PWWP3B: variants seen among roughly 807,000 people sequenced by gnomAD.
PWWP3B encodes PWWP domain-containing DNA repair factor 3B.
PWWP3B carries 5 observed loss-of-function variants against 15.7 expected under a neutral mutation model. The ratio of observed to expected loss-of-function variants is 0.32; its 90% CI spans 0.17 to 0.67. PWWP3B has a LOEUF of 0.67. PWWP3B is among the 30% of genes least tolerant of loss of function. The pLI is 0.74. For missense variants in PWWP3B, 519 were observed against 493.1 expected, an observed-to-expected ratio of 1.05 and a Z score of -0.50; for synonymous variants, 203 against 179.8, an observed-to-expected ratio of 1.13 and a Z score of -1.03.
chrX:106,185,231 G>T (rs1023732513), intron 2 of PWWP3B, among the ~76,000 whole-genome samples: 5 of 111,502 alleles, frequency 4.5e-5, no homozygotes, highest in Non-Finnish European at 9.4e-5. Context: ...CTTTGTCAGG[G>T]TTTGCAGGTC....
intron 2 of PWWP3B, among the ~76,000 whole-genome samples, chrX:106,197,261 C>T (rs1016128062): frequency 2.7e-5 from 3 of 111,821 alleles, no homozygotes; most frequent in Middle Eastern, 4.2e-3. Flanking sequence ...GGGTTCCCTC[C>T]AGGGCAGAGG....
chrX:106,175,603 T>C (rs1921864746), intron 2 of PWWP3B, among the ~76,000 whole-genome samples: 1 of 110,982 alleles, frequency 9.0e-6, no homozygotes, highest in African/African-American at 3.3e-5. Context: ...TCTTTGGTTC[T>C]ACCAAAGAAA....
At chrX:106,181,988 T>C (rs1298487471) in intron 2 of PWWP3B, among the ~76,000 whole-genome samples, 1 of 111,721 alleles carries the variant, frequency 9.0e-6, no homozygotes, top group Non-Finnish European at 1.9e-5. Flanking sequence ...AGTTTGAAAG[T>C]TGTTGTCTGA....
chrX:106,205,382 T>C lies in PWWP3B; in HGVS notation c.-51T>C, dbSNP rs1461325015. 4 of 1,056,409 alleles carry C rather than the reference T, an allele frequency of 3.8e-6. No homozygotes were observed. The highest frequency in any genetic ancestry group is 3.8e-5 in the African/African-American group (2 of 52,193). 87.1% of individuals were successfully genotyped at this position (1,056,409 alleles called of 1,213,427 possible). A position where few individuals can be genotyped will look rare whatever the true frequency, so the allele number is the denominator to read the frequency against. On this transcript the variant is annotated 5_prime_UTR_variant, in exon 4 of 4. Transcript: ENST00000357175. ...GAACTTGCATTAGCAGTGACAAAGATAGCCACCTCAACCTTTGGTAATAAC... is the reference window on the plus strand; with the variant it reads ...GAACTTGCATTAGCAGTGACAAAGACAGCCACCTCAACCTTTGGTAATAAC...
At chrX:106,200,897 A>C (rs1046715094) in intron 2 of PWWP3B, among the ~76,000 whole-genome samples, 2 of 109,244 alleles carry the variant, frequency 1.8e-5, no homozygotes, top group Non-Finnish European at 3.8e-5. Flanking sequence ...AAATGCAAAA[A>C]ATTAGCCAGG....
intron 2 of PWWP3B, among the ~76,000 whole-genome samples, chrX:106,192,508 A>AT (rs1416558618): frequency 9.0e-6 from 1 of 110,575 alleles, no homozygotes; most frequent in African/African-American, 3.3e-5. Flanking sequence ...GGATTCATTG[A>AT]TTTTTTGAAG....
Position 106,204,079 on chromosome X carries a change from C to T in PWWP3B, c.-306C>T, listed in dbSNP as rs1055862814. On this transcript the variant is annotated 5_prime_UTR_variant, in exon 3 of 4. Coordinates refer to ENST00000357175, the MANE Select transcript of PWWP3B (RefSeq NM_001171020.2). The stretch of plus-strand genomic sequence containing the variant: ...ACAGTGCAACCACAGAAGTGCCGAG[C>T]TGGGTAAAGGCCCTGCTGGACAAGC... The T allele has an allele frequency of 1.8e-4, 20 of 111,906 alleles. No individual in the cohort carries two copies. Among genetic ancestry groups the T allele is most frequent in the African/African-American group, 5.5e-4 (17 of 30,804 alleles). 9.2% of individuals were successfully genotyped at this position (111,906 alleles called of 1,213,427 possible).
At chrX:106,193,223 C>T (rs1923121239) in intron 2 of PWWP3B, among the ~76,000 whole-genome samples, 2 of 111,164 alleles carry the variant, frequency 1.8e-5, no homozygotes, top group African/African-American at 6.6e-5. Flanking sequence ...CTGGGTGCTC[C>T]TGTATTGGGT....
In PWWP3B at chrX:106,206,361, C is replaced by T. The variant is rs1487543191; in HGVS notation, c.929C>T (p.Pro310Leu). Residue 310 changes from proline to leucine, a missense_variant, in exon 4 of 4, where the codon CCT becomes CTT. Coordinates refer to ENST00000357175, the MANE Select transcript of PWWP3B (RefSeq NM_001171020.2). Reference sequence around the variant, plus strand: ...TCAGAGATGGGGGCTGCAGCATGCCCTGGGAGTTGTTCAAGGGAATGCGAG... The same window carrying T: ...TCAGAGATGGGGGCTGCAGCATGCCTTGGGAGTTGTTCAAGGGAATGCGAG... The part of the protein sequence containing the change: ...MESEMGAAAC[P>L]GSCSRECEVS... The T allele has an allele frequency of 8.3e-7, 1 of 1,202,943 alleles. No homozygotes were observed. Among genetic ancestry groups the T allele is most frequent in the Non-Finnish European group, 1.1e-6 (1 of 891,340 alleles).
chrX:106,179,686 G>T (rs190960120), intron 2 of PWWP3B, among the ~76,000 whole-genome samples: 1 of 111,796 alleles, frequency 8.9e-6, no homozygotes, highest in Non-Finnish European at 1.9e-5. Flanking sequence ...AACACAGCTG[G>T]ATCTTAGCGC....
Position 106,207,543 on chromosome X carries a change from C to T in PWWP3B, c.*20C>T, listed in dbSNP as rs1317859129. On this transcript the variant is annotated 3_prime_UTR_variant, in exon 4 of 4. Coordinates refer to ENST00000357175, the MANE Select transcript of PWWP3B (RefSeq NM_001171020.2). Reference sequence around the variant, plus strand: ...CACTAAATGTGCTGAAAGTTGAAACCATGACAGGGAGCTCTCATAGATACT... The same window carrying T: ...CACTAAATGTGCTGAAAGTTGAAACTATGACAGGGAGCTCTCATAGATACT... The T allele has an allele frequency of 5.4e-6, 6 of 1,117,246 alleles. No individual in the cohort carries two copies. The highest frequency in any genetic ancestry group is 7.0e-6 in the Non-Finnish European group (6 of 852,782). 92.1% of individuals were successfully genotyped at this position (1,117,246 alleles called of 1,213,427 possible). A position where few individuals can be genotyped will look rare whatever the true frequency, so the allele number is the denominator to read the frequency against.
chrX:106,180,372 C>A (rs889611208), intron 2 of PWWP3B, among the ~76,000 whole-genome samples: 3 of 111,410 alleles, frequency 2.7e-5, no homozygotes, highest in Non-Finnish European at 5.7e-5. Context: ...TATTTCCCCC[C>A]CAACCACAAT....
Position 106,206,355 on chromosome X carries a change from C to A in PWWP3B, c.923C>A (p.Ala308Glu), listed in dbSNP as rs750463650. The A allele has an allele frequency of 3.8e-5, 46 of 1,201,943 alleles. No individual in the cohort carries two copies. The highest frequency in any genetic ancestry group is 4.9e-5 in the Non-Finnish European group (44 of 890,700). Residue 308 changes from alanine to glutamate, a missense_variant, in exon 4 of 4, where the codon GCA becomes GAA. Ala to Glu is a moderately radical substitution (Grantham distance 107). Transcript: ENST00000357175. The part of the protein sequence containing the change: ...PSMESEMGAA[A>E]CPGSCSRECE... ...ATGGAATCAGAGATGGGGGCTGCAG[C>A]ATGCCCTGGGAGTTGTTCAAGGGAA...
intron 2 of PWWP3B, among the ~76,000 whole-genome samples, chrX:106,192,333 G>A: frequency 8.9e-6 from 1 of 111,763 alleles, no homozygotes; most frequent in Non-Finnish European, 1.9e-5. Flanking sequence ...TTGCATAGAG[G>A]TGTTTATAGT....
At chrX:106,174,616 G>A (rs914527062) in intron 2 of PWWP3B, among the ~76,000 whole-genome samples, 2 of 111,485 alleles carry the variant, frequency 1.8e-5, no homozygotes, top group Non-Finnish European at 3.8e-5. Flanking sequence ...TCTGTATAAC[G>A]AATGATTTTC....
intron 2 of PWWP3B, chrX:106,201,600 C>T (rs1044259337): frequency 1.8e-5 from 2 of 112,269 alleles, no homozygotes; most frequent in Admixed American, 1.9e-4. Flanking sequence ...TTCAACACTT[C>T]AGCGGTTTCT....
intron 2 of PWWP3B, among the ~76,000 whole-genome samples, chrX:106,193,904 G>T (rs1023341944): frequency 1.8e-5 from 2 of 112,414 alleles, no homozygotes; most frequent in Non-Finnish European, 3.8e-5. Context: ...TCTGCCAAGA[G>T]ATCAGCTGTT....
intron 2 of PWWP3B, among the ~76,000 whole-genome samples, chrX:106,191,009 G>A (rs762598015): frequency 0.026 from 2,835 of 110,947 alleles, 103 homozygotes; most frequent in African/African-American, 0.089. Context: ...TTTGGCTTAG[G>A]ATTGACTTGG....
In PWWP3B at chrX:106,207,507, C is replaced by A; in HGVS notation, c.2075C>A (p.Thr692Lys). 1.7e-6 allele frequency: 2 copies of A among 1,143,234 alleles called. No homozygotes were observed. The highest frequency in any genetic ancestry group is 2.3e-6 in the Non-Finnish European group (2 of 863,900). The allele number at this position is 1,143,234 out of a possible 1,213,427, so 94.2% of individuals were successfully genotyped here. A position where few individuals can be genotyped will look rare whatever the true frequency, so the allele number is the denominator to read the frequency against. ...TATGAAAAGAGACGAAAAGCACCAA[C>A]AAATGAAGCTCACTAAATGTGCTGA... Reference protein sequence around the residue: ...IIYEKRRKAPTNEAH With the variant: ...IIYEKRRKAPKNEAH Residue 692 changes from threonine (T) to lysine (K), a missense_variant, in exon 4 of 4, where the codon ACA (threonine) becomes AAA (lysine). By Grantham distance (78) the Thr-to-Lys change is moderately conservative (BLOSUM62 -1). Coordinates refer to ENST00000357175, the MANE Select transcript of PWWP3B (RefSeq NM_001171020.2).
Sources: gnomAD v4.1 joint callset for allele counts (sites outside exome capture counted in the v4.1 genomes callset) on GRCh38, gnomAD v4.1.1 for gene constraint, MANE v1.5 for transcripts, NCBI Gene and HGNC (gene_info 2026-07-23, HGNC 2026-07-21) for gene names.